The following USP32 variants were observed in gnomAD, a reference collection of about 807,000 sequenced individuals.
USP32 encodes ubiquitin carboxyl-terminal hydrolase 32.
Under a neutral mutation model 204.8 loss-of-function variants are expected in USP32, and 59 were observed. That is an observed-to-expected ratio of 0.29 (90% CI 0.23 to 0.36). The LOEUF (loss-of-function observed/expected upper bound fraction) is 0.36, where lower values mean the gene tolerates loss of function less well. USP32 is among the 10% of genes least tolerant of loss of function. USP32 has a pLI of 1.00. For synonymous variants in USP32, 517 were observed against 678.4 expected, an observed-to-expected ratio of 0.76 and a Z score of 3.70; for missense variants, 1,160 against 1,946.4, an observed-to-expected ratio of 0.60 and a Z score of 7.60.
At chr17:60,262,179 TTATG>T (rs199592987) in intron 9 of USP32, among the ~76,000 whole-genome samples, 2 of 152,148 alleles carry the variant, frequency 1.3e-5, no homozygotes, top group African/African-American at 4.8e-5. Context: ...TTATTTTGTT[TTATG>T]TATGTATGTA....
rs377618714 is a variant in USP32, at chr17:60,284,299, C to T, written c.571+4224G>A. Among the ~76,000 whole-genome samples the T allele has an allele frequency of 1.4e-3, 209 of 151,418 alleles. 1 individual carries two copies. Among genetic ancestry groups the T allele is most frequent in the African/African-American group, 4.5e-3 (187 of 41,302 alleles). On this transcript the variant is annotated intron_variant, in intron 5 of 33. Coordinates refer to ENST00000300896, the MANE Select transcript of USP32 (RefSeq NM_032582.4). ...CATGATCTTGGCTCACTGCAACCCCCGCCTCCCAGGTTCAAGTGATTCTCC... is the reference window on the plus strand; with the variant it reads ...CATGATCTTGGCTCACTGCAACCCCTGCCTCCCAGGTTCAAGTGATTCTCC...
chr17:60,365,800 G>C (rs2089299474), intron 1 of USP32, among the ~76,000 whole-genome samples: 1 of 152,048 alleles, frequency 6.6e-6, no homozygotes, highest in Non-Finnish European at 1.5e-5. Flanking sequence ...ATAATGCCCA[G>C]AACAAATATA....
intron 1 of USP32, among the ~76,000 whole-genome samples, chr17:60,350,015 GT>G (rs573186019): frequency 1.3e-4 from 19 of 144,110 alleles, no homozygotes; most frequent in Non-Finnish European, 1.5e-4. Flanking sequence ...GTTGGTTTTT[GT>G]TTTTTTTTTT....
intron 12 of USP32, among the ~76,000 whole-genome samples, chr17:60,231,857 T>C (rs557465839): frequency 6.6e-6 from 1 of 152,292 alleles, no homozygotes; most frequent in African/African-American, 2.4e-5. Flanking sequence ...GCTTGACACA[T>C]TAAAGCGGGG....
chr17:60,391,952 CCCTCGGCGGGG>C lies in USP32; in HGVS notation c.-24_-14del, dbSNP rs1180452254. Reference sequence around the variant, plus strand: ...CCTTGGCACCCATGCTCCCCTCATCCCCTCGGCGGGGGGTCGGAGCCTGATCTCGCCCCCAC... The same window carrying C: ...CCTTGGCACCCATGCTCCCCTCATCCGGTCGGAGCCTGATCTCGCCCCCAC... On this transcript the variant is annotated 5_prime_UTR_variant, in exon 1 of 34. Coordinates refer to ENST00000300896, the MANE Select transcript of USP32 (RefSeq NM_032582.4). The C allele has an allele frequency of 6.2e-7, 1 of 1,609,660 alleles. No individual in the cohort carries two copies. The highest frequency in any genetic ancestry group is 8.5e-7 in the Non-Finnish European group (1 of 1,178,338).
intron 5 of USP32, among the ~76,000 whole-genome samples, chr17:60,275,775 G>A (rs1426989121): frequency 6.6e-6 from 1 of 151,918 alleles, no homozygotes; most frequent in Non-Finnish European, 1.5e-5. Flanking sequence ...GCAGTGGTGT[G>A]ATCTTAGCTC....
intron 1 of USP32, among the ~76,000 whole-genome samples, chr17:60,390,933 A>C (rs16944313): frequency 0.044 from 6,744 of 152,246 alleles, 518 homozygotes; most frequent in African/African-American, 0.15. Context: ...AAAAATTAAG[A>C]CATTCCGGCC....
chr17:60,379,216 A>AT (rs2089605594), intron 1 of USP32, among the ~76,000 whole-genome samples: 1 of 152,192 alleles, frequency 6.6e-6, no homozygotes, highest in South Asian at 2.1e-4. Context: ...CATACCTTTT[A>AT]GTAAGGGTTT....
intron 1 of USP32, among the ~76,000 whole-genome samples, chr17:60,353,696 G>A (rs2089005038): frequency 6.6e-6 from 1 of 152,126 alleles, no homozygotes. Context: ...AGCAGAGATT[G>A]CACCACTGCA....
intron 1 of USP32, among the ~76,000 whole-genome samples, chr17:60,375,862 C>A (rs572365754): frequency 3.9e-5 from 6 of 152,264 alleles, no homozygotes; most frequent in Non-Finnish European, 7.4e-5. Flanking sequence ...CCTGTCTCAG[C>A]CTCCCAAAGT....
intron 2 of USP32, among the ~76,000 whole-genome samples, chr17:60,319,229 T>C (rs1254483076): frequency 6.6e-6 from 1 of 152,164 alleles, no homozygotes; most frequent in African/African-American, 2.4e-5. Context: ...TTTAAAATGG[T>C]TAAAATGGCA....
intron 4 of USP32, among the ~76,000 whole-genome samples, chr17:60,291,537 ATGTG>A (rs58874239): frequency 0.049 from 7,148 of 145,230 alleles, 208 homozygotes; most frequent in Admixed American, 0.09. Flanking sequence ...CTGTGTGTGT[ATGTG>A]TGTGTGTGTG....
intron 1 of USP32, chr17:60,421,392 C>G: frequency 1.0e-6 from 1 of 985,636 alleles, no homozygotes; most frequent in Middle Eastern, 5.2e-4. Context: ...CTATGCCCCT[C>G]TCCTGTGCCC....
At chr17:60,241,507 A>G (rs960928433) in intron 11 of USP32, among the ~76,000 whole-genome samples, 23 of 152,146 alleles carry the variant, frequency 1.5e-4, no homozygotes, top group African/African-American at 5.3e-4. Flanking sequence ...CAGAGTTCCA[A>G]CAGAGTTGAA....
At chr17:60,387,348 C>G (rs1049103451) in intron 1 of USP32, among the ~76,000 whole-genome samples, 2 of 152,128 alleles carry the variant, frequency 1.3e-5, no homozygotes, top group African/African-American at 4.8e-5. Context: ...CACTAGCAAA[C>G]ACAACTACCT....
chr17:60,241,810 C>T (rs1402495728), intron 11 of USP32, among the ~76,000 whole-genome samples: 1 of 152,166 alleles, frequency 6.6e-6, no homozygotes, highest in Non-Finnish European at 1.5e-5. Context: ...TTCTCTAGGG[C>T]TGTGAGGCTG....
chr17:60,204,207 AC>A lies in USP32; in HGVS notation c.3249+1239del, dbSNP rs2084764451. ...AAAACAAAACAAAACAAAAAAACCA[AC>A]CCCAAAACAAAAAACTTTTCCGAAG... On this transcript the variant is annotated intron_variant, in intron 26 of 33. Transcript: ENST00000300896. 7.2e-5 allele frequency among the ~76,000 whole-genome samples: 11 copies of A among 152,268 alleles called. No individual in the cohort carries two copies. In the South Asian group the frequency reaches 2.3e-3, roughly 32 times the overall value.
At chr17:60,377,666 T>G (rs2146104971) in intron 1 of USP32, among the ~76,000 whole-genome samples, 1 of 152,348 alleles carries the variant, frequency 6.6e-6, no homozygotes, top group Middle Eastern at 3.4e-3. Flanking sequence ...ATAATATAAT[T>G]GACTCTTCCG....
At chr17:60,347,417 G>A (rs915504711) in intron 1 of USP32, among the ~76,000 whole-genome samples, 3 of 150,334 alleles carry the variant, frequency 2.0e-5, no homozygotes, top group Non-Finnish European at 3.0e-5. Context: ...GCAGTGGCAC[G>A]ATTTCTGCTC....
Sources: gnomAD v4.1 joint callset for allele counts (sites outside exome capture counted in the v4.1 genomes callset) on GRCh38, gnomAD v4.1.1 for gene constraint, MANE v1.5 for transcripts, NCBI Gene and HGNC (gene_info 2026-07-23, HGNC 2026-07-21) for gene names.